The following SMAD2 variants were observed in gnomAD, a reference collection of about 807,000 sequenced individuals.
SMAD2 encodes the protein SMAD family member 2.
In SMAD2, 8 loss-of-function variants were observed where a neutral mutation model predicts 64.4. That is an observed-to-expected ratio of 0.12 (90% CI 0.07 to 0.22). The LOEUF (loss-of-function observed/expected upper bound fraction) is 0.22, where lower values mean the gene tolerates loss of function less well. Among genes scored for constraint, SMAD2 ranks in the 10% least tolerant of loss-of-function variants. The probability of loss-of-function intolerance (pLI) is 1.00; values close to 1 mark genes in which losing one functional copy is unlikely to be tolerated. For synonymous variants in SMAD2, 203 were observed against 195.8 expected (o/e 1.04, Z -0.31); for missense variants, 289 against 561.2 (o/e 0.51, Z 4.90).
Position 47,809,703 on chromosome 18 carries a change from G to T in SMAD2, c.*32124C>A, listed in dbSNP as rs1912141191. The T allele has an allele frequency of 6.6e-6, 1 of 152,186 alleles. No homozygotes were observed. The highest frequency in any genetic ancestry group is 6.5e-5 in the Admixed American group (1 of 15,274). The allele number at this position is 152,186 out of a possible 1,614,324, so 9.4% of individuals were successfully genotyped here. A position where few individuals can be genotyped will look rare whatever the true frequency, so the allele number is the denominator to read the frequency against. On this transcript the variant is annotated 3_prime_UTR_variant, in exon 11 of 11. Coordinates refer to ENST00000262160, the MANE Select transcript of SMAD2 (RefSeq NM_005901.6). ...TGTAATTCTCTTTAAATCTTCTGAGGTTTCCCCATTACTAAGCTCCCGCCC... is the reference window on the plus strand; with the variant it reads ...TGTAATTCTCTTTAAATCTTCTGAGTTTTCCCCATTACTAAGCTCCCGCCC...
intron 6 of SMAD2, among the ~76,000 whole-genome samples, chr18:47,863,693 T>A (rs2031354544): frequency 6.6e-6 from 1 of 152,198 alleles, no homozygotes; most frequent in African/African-American, 2.4e-5. Context: ...CATCCATTCA[T>A]CATTTGATGG....
At chr18:47,882,865 A>G (rs1038774232) in intron 2 of SMAD2, among the ~76,000 whole-genome samples, 10 of 152,226 alleles carry the variant, frequency 6.6e-5, no homozygotes, top group Admixed American at 5.2e-4. Flanking sequence ...TTTCATCATT[A>G]CAGTTAGTCA....
At chr18:47,847,537 T>C (rs1486916898) in intron 8 of SMAD2, among the ~76,000 whole-genome samples, 1 of 151,948 alleles carries the variant, frequency 6.6e-6, no homozygotes, top group Middle Eastern at 3.4e-3. Context: ...AATGACCATA[T>C]TAGATATAAA....
intron 3 of SMAD2, 117 bp from the exon 4 acceptor site, chr18:47,869,553 T>C: frequency 2.7e-6 from 2 of 734,314 alleles, no homozygotes; most frequent in Non-Finnish European, 2.3e-6. Flanking sequence ...GACAGCCATT[T>C]AGTTAGTTTT....
In SMAD2 at chr18:47,898,233, A is replaced by T. The variant is rs144818502; in HGVS notation, c.-53-1424T>A. Among the ~76,000 whole-genome samples the T allele has an allele frequency of 8.5e-5, 13 of 152,340 alleles. No homozygotes were observed. The East Asian group carries it at 2.3e-3, about 27-fold the overall frequency. On this transcript the variant is annotated intron_variant, in intron 1 of 10. Transcript: ENST00000262160. ...TTCCACATTGCTGGTGAAAAGGTCA[A>T]ATGTGACAGCTTTATTCTAAGTAAT...
intron 1 of SMAD2, 96 bp from the exon 2 acceptor site, chr18:47,896,905 A>AAAGTCAT: frequency 8.5e-7 from 1 of 1,170,262 alleles, no homozygotes; most frequent in Non-Finnish European, 1.2e-6. Context: ...AGCAAGATAG[A>AAAGTCAT]AATTCGAATT....
At chr18:47,929,383 GAA>G (rs2034905157) in intron 1 of SMAD2, among the ~76,000 whole-genome samples, 1 of 152,142 alleles carries the variant, frequency 6.6e-6, no homozygotes, top group South Asian at 2.1e-4. Flanking sequence ...TCAGAAGAGA[GAA>G]AAAGAATTTT....
At chr18:47,909,701 G>A (rs1402760171) in intron 1 of SMAD2, among the ~76,000 whole-genome samples, 1 of 152,090 alleles carries the variant, frequency 6.6e-6, no homozygotes, top group African/African-American at 2.4e-5. Context: ...AAAAGGCCAG[G>A]GCAACCAGAA....
rs573988730 is a variant in SMAD2 at position 47,839,384 on chromosome 18, A to C, written c.*2443T>G. The C allele has an allele frequency of 1.7e-5, 4 of 233,366 alleles. No homozygotes were observed. The highest frequency in any genetic ancestry group is 8.8e-5 in the African/African-American group (4 of 45,458). The allele number at this position is 233,366 out of a possible 1,614,324, so 14.5% of individuals were successfully genotyped here. ...GTTCTCAAGTAAGAAAAAGAAGGGC[A>C]GAGGCTCCACTGAGTATCTCCTACA... On this transcript the variant is annotated 3_prime_UTR_variant, in exon 11 of 11. Transcript: ENST00000262160.
chr18:47,887,765 C>T (rs1204835824), intron 2 of SMAD2, among the ~76,000 whole-genome samples: 2 of 152,118 alleles, frequency 1.3e-5, no homozygotes, highest in East Asian at 1.9e-4. Context: ...AGATAGAAGT[C>T]AAGTACCAGT....
At chr18:47,884,126 T>G (rs75736405) in intron 2 of SMAD2, among the ~76,000 whole-genome samples, 1 of 152,192 alleles carries the variant, frequency 6.6e-6, no homozygotes, top group Non-Finnish European at 1.5e-5. Flanking sequence ...CCTGCCATGC[T>G]CTACTCAGAC....
intron 5 of SMAD2, among the ~76,000 whole-genome samples, chr18:47,865,879 TA>T (rs2031515786): frequency 6.6e-6 from 1 of 152,122 alleles, no homozygotes; most frequent in African/African-American, 2.4e-5. Flanking sequence ...GCATGTAAAA[TA>T]AAAACATGTA....
At chr18:47,885,261 C>T (rs1050026277) in intron 2 of SMAD2, among the ~76,000 whole-genome samples, 5 of 151,846 alleles carry the variant, frequency 3.3e-5, no homozygotes, top group African/African-American at 1.2e-4. Flanking sequence ...CTGCAACCTC[C>T]GCCTCCTGGG....
rs146662936 is a variant in SMAD2, at chr18:47,921,723, C to T, written c.-54+8638G>A. 1.6e-3 allele frequency among the ~76,000 whole-genome samples: 249 copies of T among 152,312 alleles called. 1 individual carries two copies. The highest frequency in any genetic ancestry group is 5.4e-3 in the African/African-American group (225 of 41,550). ...GGCATTATAACCTCAGCCCCAACTA[C>T]TGAATCTTATCTCTAGTAAATCCCC... On this transcript the variant is annotated intron_variant, in intron 1 of 10. Transcript: ENST00000262160.
chr18:47,850,663 TAC>T (rs1183735935), intron 7 of SMAD2, among the ~76,000 whole-genome samples: 1 of 20,486 alleles, frequency 4.9e-5, no homozygotes, highest in African/African-American at 2.3e-4. Context: ...ATATATTATA[TAC>T]TATATATATA....
At chr18:47,843,259 C>T (rs1278374704) in intron 10 of SMAD2, among the ~76,000 whole-genome samples, 10 of 152,210 alleles carry the variant, frequency 6.6e-5, no homozygotes, top group Admixed American at 6.5e-4. Context: ...CCCAGCACTT[C>T]TGTTCCCCTG....
chr18:47,874,298 G>A (rs1008024341), intron 2 of SMAD2, among the ~76,000 whole-genome samples: 3 of 152,160 alleles, frequency 2.0e-5, no homozygotes, highest in Non-Finnish European at 4.4e-5. Flanking sequence ...CTGATCAAGA[G>A]AAGCTGAACA....
intron 2 of SMAD2, among the ~76,000 whole-genome samples, chr18:47,888,294 C>A (rs1461428502): frequency 1.3e-5 from 2 of 152,114 alleles, no homozygotes; most frequent in African/African-American, 4.8e-5. Flanking sequence ...TCTAGGTGAA[C>A]TGACAAATGC....
At chr18:47,850,156 G>A (rs559434361) in intron 7 of SMAD2, among the ~76,000 whole-genome samples, 10 of 114,582 alleles carry the variant, frequency 8.7e-5, no homozygotes, top group African/African-American at 3.1e-4. Flanking sequence ...ATACACATTT[G>A]TACATATATG....
Sources: allele counts gnomAD v4.1 joint callset (sites outside exome capture counted in the v4.1 genomes callset), GRCh38; gene constraint gnomAD v4.1.1; transcripts MANE v1.5; gene names NCBI Gene and HGNC (gene_info 2026-07-23, HGNC 2026-07-21).